Variants in TPSD1 observed in about 807,000 individuals in gnomAD.
TPSD1 encodes tryptase delta.
TPSD1 carries 30 observed loss-of-function variants against 25.4 expected under a neutral mutation model. The ratio of observed to expected loss-of-function variants is 1.18; its 90% CI spans 0.88 to 1.60. The LOEUF (loss-of-function observed/expected upper bound fraction) is 1.60, where lower values mean the gene tolerates loss of function less well. Ranked by LOEUF, TPSD1 falls within the 40% of genes most tolerant of loss-of-function variation. The pLI, the probability that TPSD1 is intolerant of heterozygous loss-of-function variation, is 0.00. For missense variants in TPSD1, 420 were observed against 324.2 expected (o/e 1.30, Z -2.27); for synonymous variants, 176 against 149.4 (o/e 1.18, Z -1.30).
Position 1,258,640 on chromosome 16 carries a change from T to A in TPSD1, c.*264T>A, listed in dbSNP as rs1409988639. 4.4e-6 allele frequency: 3 copies of A among 687,056 alleles called. No individual in the cohort carries two copies. The highest frequency in any genetic ancestry group is 6.4e-6 in the Non-Finnish European group (3 of 471,720). The allele number at this position is 687,056 out of a possible 1,614,324, so 42.6% of individuals were successfully genotyped here. On this transcript the variant is annotated 3_prime_UTR_variant, in exon 5 of 5. Coordinates refer to ENST00000211076, the MANE Select transcript of TPSD1 (RefSeq NM_012217.3). Reference sequence around the variant, plus strand: ...CTCCCATCCTGAGCCCTGTCCCCTGTCCTGAGCCCCCTCCCCTTTCTTGAT... The same window carrying A: ...CTCCCATCCTGAGCCCTGTCCCCTGACCTGAGCCCCCTCCCCTTTCTTGAT...
At chr16:1,258,282 T>TCCTGAC (rs2031020865) in intron 4 of TPSD1, 50 bp from the exon 5 acceptor site, 2 of 1,607,032 alleles carry the variant, frequency 1.2e-6, no homozygotes, top group African/African-American at 2.8e-5. Context: ...GCATCCCTCA[T>TCCTGAC]CCTGACCCCC....
intron 3 of TPSD1, 176 bp downstream of exon 3, chr16:1,257,238 G>A: frequency 2.2e-6 from 2 of 896,140 alleles, no homozygotes; most frequent in Non-Finnish European, 3.3e-6. Context: ...GAGACGGTGA[G>A]TCCAAAGGGC....
In TPSD1 at chr16:1,256,126, G is replaced by A. The variant is rs148119827; in HGVS notation, c.-155G>A. 2.5e-3 allele frequency: 3,059 copies of A among 1,225,646 alleles called. 60 individuals are homozygous for A. In the African/African-American group the frequency reaches 0.04, roughly 16 times the overall value. 75.9% of individuals were successfully genotyped at this position (1,225,646 alleles called of 1,614,324 possible). On this transcript the variant is annotated 5_prime_UTR_variant, in exon 1 of 5. Transcript: ENST00000211076. ...TACTCTCAGAGACCCTGACATCAGC[G>A]TCACCTGGAGCAGAGTGGCCCAGCC... is the stretch of plus-strand genomic sequence containing the variant.
rs1596500690 is a variant in TPSD1 at position 1,256,874 on chromosome 16, T to G, written c.332T>G (p.Val111Gly). 1 of 1,613,706 alleles carries G rather than the reference T, an allele frequency of 6.2e-7. No individual in the cohort carries two copies. Among genetic ancestry groups the G allele is most frequent in the Non-Finnish European group, 8.5e-7 (1 of 1,180,014 alleles). ...TACTACCAGGACCAGCTGCTGCCGG[T>G]CAGCAGGATCATCGTGCACCCACAG... ...HLYYQDQLLP[V>G]SRIIVHPQFY... Residue 111 changes from valine to glycine, a missense_variant, in exon 3 of 5, where the codon GTC becomes GGC. Physicochemically the swap from Val to Gly is moderately radical, Grantham distance 109. Coordinates refer to ENST00000211076, the MANE Select transcript of TPSD1 (RefSeq NM_012217.3).
intron 3 of TPSD1, among the ~76,000 whole-genome samples, chr16:1,257,774 GA>G (rs1425449049): frequency 6.6e-6 from 1 of 152,200 alleles, no homozygotes; most frequent in Non-Finnish European, 1.5e-5. Flanking sequence ...AGCCCAGGGG[GA>G]GACACGGGTC....
rs1359895540 is a variant in TPSD1 at position 1,258,071 on chromosome 16, C to A, written c.533C>A (p.Pro178Gln). Residue 178 changes from proline to glutamine, a missense_variant, in exon 4 of 5, where the codon CCG becomes CAG. Transcript: ENST00000211076. ...CCTCCGCCCCCAGTGCACCTGCCGC[C>A]GCCATACCCGCTGAAGGAGGTGGAA... is the stretch of plus-strand genomic sequence containing the variant. ...GDVDNNVHLP[P>Q]PYPLKEVEVP... The A allele has an allele frequency of 1.3e-6, 2 of 1,586,128 alleles. No homozygotes were observed. Among genetic ancestry groups the A allele is most frequent in the South Asian group, 2.3e-5 (2 of 87,586 alleles).
rs1186889711 is a variant in TPSD1, at chr16:1,256,779, G to T, written c.255-18G>T. 6.2e-7 allele frequency: 1 copy of T among 1,612,142 alleles called. No homozygotes were observed. On this transcript the variant is annotated intron_variant, in intron 2 of 4. Transcript: ENST00000211076. ...TGGGGGCTGCCCAGGGCCCTGAGTG[G>T]GATCCTCCGCTGCCCAGGGACATCA...
Position 1,256,189 on chromosome 16 carries a change from G to A in TPSD1, c.-92G>A, listed in dbSNP as rs1010371515. ...CACCAAGACCCAGGCCCGCAGGCCT[G>A]GACCCACCCCGGTCCCCCCGTCCCA... On this transcript the variant is annotated 5_prime_UTR_variant, in exon 1 of 5. Transcript: ENST00000211076. The A allele has an allele frequency of 3.3e-4, 531 of 1,588,838 alleles. 2 individuals carry two copies. The highest frequency in any genetic ancestry group is 4.3e-4 in the Non-Finnish European group (498 of 1,166,066).
Position 1,256,822 on chromosome 16 carries a change from A to G in TPSD1, c.280A>G (p.Arg94Gly), listed in dbSNP as rs143852280. ...EPDIKDLAALRVQLREQHLYY... is the reference protein window; with the variant it reads ...EPDIKDLAALGVQLREQHLYY... ...GGACATCAAGGATCTGGCCGCCCTCAGGGTGCAACTGCGGGAGCAGCACCT... is the reference window on the plus strand; with the variant it reads ...GGACATCAAGGATCTGGCCGCCCTCGGGGTGCAACTGCGGGAGCAGCACCT... Residue 94 changes from arginine (R) to glycine (G), a missense_variant, in exon 3 of 5, where the codon AGG (arginine) becomes GGG (glycine). Transcript: ENST00000211076. 1.2e-6 allele frequency: 2 copies of G among 1,612,648 alleles called. No individual in the cohort carries two copies. Among genetic ancestry groups the G allele is most frequent in the Non-Finnish European group, 1.7e-6 (2 of 1,179,958 alleles).
At chr16:1,256,747 G>T in intron 2 of TPSD1, 50 bp from the exon 3 acceptor site, 1 of 1,611,952 alleles carries the variant, frequency 6.2e-7, no homozygotes, top group Non-Finnish European at 8.5e-7. Flanking sequence ...TGGCTCCCGG[G>T]TGCTCCTGGG....
At position 1,258,568 on chromosome 16, in the gene TPSD1, C is replaced by T. The variant is rs1353301795; in HGVS notation, c.*192C>T. The stretch of plus-strand genomic sequence containing the variant: ...CTGTCCAAACCACCACTGCTTCCTA[C>T]CCAGGTGGTGACTGCCCCCCACACC... On this transcript the variant is annotated 3_prime_UTR_variant, in exon 5 of 5. Coordinates refer to ENST00000211076, the MANE Select transcript of TPSD1 (RefSeq NM_012217.3). 5.8e-6 allele frequency: 9 copies of T among 1,552,464 alleles called. No homozygotes were observed. Among genetic ancestry groups the T allele is most frequent in the Non-Finnish European group, 7.0e-6 (8 of 1,142,190 alleles).
In TPSD1 at chr16:1,258,565, C is replaced by G. The variant is rs557239511; in HGVS notation, c.*189C>G. ...CTCCTGTCCAAACCACCACTGCTTC[C>G]TACCCAGGTGGTGACTGCCCCCCAC... On this transcript the variant is annotated 3_prime_UTR_variant, in exon 5 of 5. Coordinates refer to ENST00000211076, the MANE Select transcript of TPSD1 (RefSeq NM_012217.3). 8.1e-5 allele frequency: 127 copies of G among 1,559,832 alleles called. No individual in the cohort carries two copies. The African/African-American group carries it at 1.4e-3, about 18-fold the overall frequency.
At position 1,256,775 on chromosome 16, in the gene TPSD1, A is replaced by C. The variant is rs2030979651; in HGVS notation, c.255-22A>C. On this transcript the variant is annotated intron_variant, in intron 2 of 4. Transcript: ENST00000211076. ...CTCCTGGGGGCTGCCCAGGGCCCTG[A>C]GTGGGATCCTCCGCTGCCCAGGGAC... 2.5e-6 allele frequency: 4 copies of C among 1,612,140 alleles called. No individual in the cohort carries two copies. The South Asian group carries it at 4.4e-5, about 18-fold the overall frequency.
chr16:1,256,751 T>C (rs1173172352), intron 2 of TPSD1, 46 bp from the exon 3 acceptor site: 8 of 1,611,892 alleles, frequency 5.0e-6, no homozygotes, highest in Non-Finnish European at 6.8e-6. Context: ...TCCCGGGTGC[T>C]CCTGGGGGCT....
intron 3 of TPSD1, 43 bp downstream of exon 3, chr16:1,257,105 A>G (rs768390142): frequency 1.3e-6 from 2 of 1,549,176 alleles, no homozygotes; most frequent in Admixed American, 3.7e-5. Context: ...GGTGGGCACC[A>G]AGTCACAGCC....
In TPSD1 at chr16:1,258,540, C is replaced by T; in HGVS notation, c.*164C>T. On this transcript the variant is annotated 3_prime_UTR_variant, in exon 5 of 5. Coordinates refer to ENST00000211076, the MANE Select transcript of TPSD1 (RefSeq NM_012217.3). ...ACCCGGGTCACTGGAGGGCCAGCCC[C>T]TCCTGTCCAAACCACCACTGCTTCC... 6.3e-7 allele frequency: 1 copy of T among 1,592,932 alleles called. No individual in the cohort carries two copies. Among genetic ancestry groups the T allele is most frequent in the Non-Finnish European group, 8.6e-7 (1 of 1,168,384 alleles).
In TPSD1 at chr16:1,256,289, C is replaced by A; in HGVS notation, c.9C>A (p.Leu3=). ML[L]LAPQMLSLLL... is the part of the protein sequence containing the mutation. ...GCCCGGCCAGGCCCACGATGCTCCT[C>A]CTTGCTCCCCAGATGCTGAGCCTGC... Residue 3 remains leucine (L), a synonymous_variant, in exon 1 of 5, where the codon CTC becomes CTA. Transcript: ENST00000211076. The A allele has an allele frequency of 1.2e-6, 2 of 1,613,636 alleles. No homozygotes were observed. The highest frequency in any genetic ancestry group is 2.2e-5 in the East Asian group (1 of 44,886).
Position 1,256,597 on chromosome 16 carries a change from TGA to T in TPSD1, c.168_169del (p.Arg56SerfsTer117). 6.2e-7 allele frequency: 1 copy of T among 1,612,792 alleles called. No homozygotes were observed. Among genetic ancestry groups the T allele is most frequent in the Non-Finnish European group, 8.5e-7 (1 of 1,179,748 alleles). On this transcript the variant is annotated frameshift_variant, in exon 2 of 5. Transcript: ENST00000211076. LOFTEE classifies it high-confidence loss of function. Reference sequence around the variant, plus strand: ...AGCAAGTGGCCCTGGCAGGTGAGCCTGAGAGTCCGCGGCCCATACTGGATGCA... The same window carrying T: ...AGCAAGTGGCCCTGGCAGGTGAGCCTGAGTCCGCGGCCCATACTGGATGCA...
Position 1,257,073 on chromosome 16 carries a change from G to T in TPSD1, c.520+11G>T. The T allele has an allele frequency of 3.8e-6, 6 of 1,592,650 alleles. No individual in the cohort carries two copies. Among genetic ancestry groups the T allele is most frequent in the Non-Finnish European group, 5.1e-6 (6 of 1,169,104 alleles). ...ACGTGGACAATAATGGTGGGTGTTG[G>T]GGACAGCGGGAGGCCGGGCCAGGTG... On this transcript the variant is annotated intron_variant, in intron 3 of 4. Coordinates refer to ENST00000211076, the MANE Select transcript of TPSD1 (RefSeq NM_012217.3).
Sources: allele counts gnomAD v4.1 joint callset (sites outside exome capture counted in the v4.1 genomes callset), GRCh38; gene constraint gnomAD v4.1.1; transcripts MANE v1.5; gene names NCBI Gene and HGNC (gene_info 2026-07-23, HGNC 2026-07-21).